ZC3H12B: variants seen among roughly 807,000 people sequenced by gnomAD.
ZC3H12B encodes probable ribonuclease ZC3H12B.
Under a neutral mutation model 43.9 loss-of-function variants are expected in ZC3H12B, and 7 were observed. The observed-to-expected ratio is 0.16, with a 90% CI of 0.09 to 0.30. The LOEUF (loss-of-function observed/expected upper bound fraction) is 0.30. Ranked by LOEUF, ZC3H12B falls within the 10% of genes least tolerant of loss-of-function variation. The pLI, the probability that ZC3H12B is intolerant of heterozygous loss-of-function variation, is 1.00. For missense variants in ZC3H12B, 475 were observed against 670.2 expected, an observed-to-expected ratio of 0.71 and a Z score of 3.22; for synonymous variants, 222 against 241.7, an observed-to-expected ratio of 0.92 and a Z score of 0.76.
intron 3 of ZC3H12B, among the ~76,000 whole-genome samples, chrX:65,472,956 T>C (rs2067941982): frequency 1.2e-5 from 1 of 80,071 alleles, no homozygotes; most frequent in African/African-American, 7.0e-5. Flanking sequence ...ATATATATGT[T>C]TGTGTATGTG....
chrX:65,469,846 A>G (rs761918470), intron 3 of ZC3H12B, among the ~76,000 whole-genome samples: 1 of 111,618 alleles, frequency 9.0e-6, no homozygotes, highest in South Asian at 3.8e-4. Flanking sequence ...ACACGTGCCT[A>G]TAATCCCAGC....
the ZC3H12B span, among the ~76,000 whole-genome samples, chrX:65,182,908 G>C: frequency 9.0e-6 from 1 of 111,711 alleles, no homozygotes; most frequent in Non-Finnish European, 1.9e-5. Flanking sequence ...CTATTATTAA[G>C]AAGTCAAAAT....
At chrX:65,229,115 A>T in the ZC3H12B span, among the ~76,000 whole-genome samples, 1 of 110,089 alleles carries the variant, frequency 9.1e-6, no homozygotes, top group African/African-American at 3.3e-5. Context: ...GAGGCATCAC[A>T]CTACCTGACT....
At chrX:65,226,187 A>C in the ZC3H12B span, among the ~76,000 whole-genome samples, 688 of 111,890 alleles carry the variant, frequency 6.1e-3, 6 homozygotes, top group African/African-American at 0.02. Context: ...TCGGCAGAAA[A>C]TCTACAAGCC....
chrX:65,147,627 C>A, the ZC3H12B span, among the ~76,000 whole-genome samples: 4 of 111,117 alleles, frequency 3.6e-5, no homozygotes, highest in African/African-American at 1.3e-4. Context: ...TAGGGTAGGT[C>A]TAAAGCCTGA....
At chrX:65,356,636 A>G in the ZC3H12B span, among the ~76,000 whole-genome samples, 1 of 112,151 alleles carries the variant, frequency 8.9e-6, no homozygotes. Context: ...TATATTTTGT[A>G]TATTCATATA....
chrX:65,386,909 T>C (rs1342253099), intron 2 of ZC3H12B, among the ~76,000 whole-genome samples: 1 of 111,912 alleles, frequency 8.9e-6, no homozygotes, highest in Non-Finnish European at 1.9e-5. Flanking sequence ...ATGTACCCAG[T>C]AGTCATTCAG....
At chrX:65,254,886 GA>G in the ZC3H12B span, among the ~76,000 whole-genome samples, 1 of 111,233 alleles carries the variant, frequency 9.0e-6, no homozygotes, top group African/African-American at 3.3e-5. Flanking sequence ...TGATAGAGCA[GA>G]AAAAAATCAC....
chrX:65,189,119 C>G, the ZC3H12B span, among the ~76,000 whole-genome samples: 2 of 104,987 alleles, frequency 1.9e-5, no homozygotes, highest in African/African-American at 7.1e-5. Context: ...CTACAAAGGA[C>G]ATGAACTCAT....
chrX:65,497,921 T>G (rs1348404354), intron 2 of ZC3H12B, among the ~76,000 whole-genome samples: 1 of 111,783 alleles, frequency 8.9e-6, no homozygotes, highest in Non-Finnish European at 1.9e-5. Flanking sequence ...TATCTTTGTT[T>G]GAGACAGGGT....
At chrX:65,200,266 C>T in the ZC3H12B span, among the ~76,000 whole-genome samples, 1 of 110,727 alleles carries the variant, frequency 9.0e-6, no homozygotes, top group African/African-American at 3.3e-5. Context: ...TGAGAAGTGT[C>T]TGTGCATATC....
At chrX:65,212,704 T>C in the ZC3H12B span, among the ~76,000 whole-genome samples, 1 of 92,224 alleles carries the variant, frequency 1.1e-5, no homozygotes, top group African/African-American at 4.0e-5. Flanking sequence ...ATATATATGA[T>C]TTATATATCA....
chrX:65,209,579 G>A, the ZC3H12B span, among the ~76,000 whole-genome samples: 2 of 106,380 alleles, frequency 1.9e-5, no homozygotes, highest in Non-Finnish European at 3.9e-5. Flanking sequence ...TACATTTGCT[G>A]AGGAGAGCTT....
intron 3 of ZC3H12B, among the ~76,000 whole-genome samples, chrX:65,410,193 G>A (rs767549889): frequency 9.2e-6 from 1 of 108,441 alleles, no homozygotes; most frequent in South Asian, 4.0e-4. Flanking sequence ...TTTCAACAAA[G>A]GTGCCAACAT....
At chrX:65,386,232 T>A (rs2066523362) in intron 2 of ZC3H12B, among the ~76,000 whole-genome samples, 2 of 111,942 alleles carry the variant, frequency 1.8e-5, no homozygotes, top group Admixed American at 1.9e-4. Flanking sequence ...TACCAGCTCC[T>A]CTTTGTACCT....
At chrX:65,237,835 T>C in the ZC3H12B span, among the ~76,000 whole-genome samples, 1 of 111,606 alleles carries the variant, frequency 9.0e-6, no homozygotes, top group African/African-American at 3.3e-5. Flanking sequence ...TGTTTTTTGG[T>C]TTTATTTCTG....
At chrX:65,035,571 T>G in the ZC3H12B span, among the ~76,000 whole-genome samples, 126 of 111,008 alleles carry the variant, frequency 1.1e-3, 4 homozygotes, top group East Asian at 0.032. Context: ...GTGGACAGAC[T>G]CTCCCAGTGC....
At chrX:65,367,361 A>G (rs754417971) in intron 1 of ZC3H12B, among the ~76,000 whole-genome samples, 20 of 110,776 alleles carry the variant, frequency 1.8e-4, no homozygotes, top group Non-Finnish European at 3.6e-4. Flanking sequence ...TGATAATACA[A>G]AGTTGGACAG....
intron 3 of ZC3H12B, among the ~76,000 whole-genome samples, chrX:65,463,986 C>T (rs2067786038): frequency 9.0e-6 from 1 of 111,660 alleles, no homozygotes; most frequent in Non-Finnish European, 1.9e-5. Flanking sequence ...CTTAGTGGCT[C>T]CTAACCATCC....
Sources: gnomAD v4.1 joint callset for allele counts (sites outside exome capture counted in the v4.1 genomes callset) on GRCh38, gnomAD v4.1.1 for gene constraint, MANE v1.5 for transcripts, NCBI Gene and HGNC (gene_info 2026-07-23, HGNC 2026-07-21) for gene names.